FRMD4A: variants seen among roughly 807,000 people sequenced by gnomAD.
The protein encoded by FRMD4A is FERM domain containing 4A, also known as FERM domain-containing protein 4A.
Under a neutral mutation model 129.1 loss-of-function variants are expected in FRMD4A, and 29 were observed. The ratio of observed to expected loss-of-function variants is 0.22; its 90% CI spans 0.17 to 0.31. The LOEUF (loss-of-function observed/expected upper bound fraction) is 0.31, where lower values mean the gene tolerates loss of function less well. Among genes scored for constraint, FRMD4A ranks in the 10% least tolerant of loss-of-function variants. The pLI, the probability that FRMD4A is intolerant of heterozygous loss-of-function variation, is 1.00. For missense variants in FRMD4A, 1,272 were observed against 1,375.8 expected (o/e 0.92, Z 1.19); for synonymous variants, 634 against 571.6 (o/e 1.11, Z -1.56).
intron 8 of FRMD4A, among the ~76,000 whole-genome samples, chr10:13,755,035 T>C (rs1484069255): frequency 2.0e-5 from 3 of 152,230 alleles, no homozygotes; most frequent in Non-Finnish European, 4.4e-5. Context: ...GATATTGGTA[T>C]ACTAGGAATT....
At chr10:14,301,489 T>C (rs1846184630) in intron 2 of FRMD4A, among the ~76,000 whole-genome samples, 1 of 152,214 alleles carries the variant, frequency 6.6e-6, no homozygotes, top group Admixed American at 6.5e-5. Flanking sequence ...CTATTTTACT[T>C]TTGACATTAC....
chr10:13,657,675 C>T (rs796359927), intron 21 of FRMD4A, among the ~76,000 whole-genome samples, 153 bp from the exon 22 acceptor site: 4 of 152,244 alleles, frequency 2.6e-5, no homozygotes, highest in African/African-American at 9.6e-5. Flanking sequence ...AGCAGGGCTG[C>T]CCCAGGGATC....
chr10:13,767,022 G>A (rs997878503), intron 6 of FRMD4A, among the ~76,000 whole-genome samples: 4 of 152,102 alleles, frequency 2.6e-5, no homozygotes, highest in Admixed American at 1.3e-4. Flanking sequence ...GCAGTGAGCC[G>A]AGATAGCGCC....
intron 12 of FRMD4A, among the ~76,000 whole-genome samples, chr10:13,718,572 A>T (rs1267132367): frequency 6.6e-6 from 1 of 152,110 alleles, no homozygotes; most frequent in Admixed American, 6.5e-5. Context: ...TCAGATCTAG[A>T]CTTTCTGTCT....
intron 6 of FRMD4A, among the ~76,000 whole-genome samples, chr10:13,770,256 T>G (rs979253360): frequency 6.6e-6 from 1 of 151,944 alleles, no homozygotes; most frequent in East Asian, 1.9e-4. Context: ...CCTCTGCCAG[T>G]TTTTCAGCAT....
chr10:14,039,368 G>GTCCATCCA (rs61121735), intron 2 of FRMD4A, among the ~76,000 whole-genome samples: 22 of 109,502 alleles, frequency 2.0e-4, no homozygotes, highest in Middle Eastern at 4.3e-3. Context: ...CTGTCCGTCC[G>GTCCATCCA]TCCATCCATC....
chr10:14,140,430 A>G (rs539359954), intron 2 of FRMD4A, among the ~76,000 whole-genome samples: 1 of 152,322 alleles, frequency 6.6e-6, no homozygotes, highest in Non-Finnish European at 1.5e-5. Flanking sequence ...AACGTTTTGT[A>G]CACATTATTG....
intron 2 of FRMD4A, among the ~76,000 whole-genome samples, chr10:13,874,617 T>C (rs1997329): frequency 0.94 from 143,053 of 152,292 alleles, 67,235 homozygotes; most frequent in East Asian, 0.98. Context: ...TAAAATCATT[T>C]AGTTAGTAGA....
chr10:13,945,576 T>A (rs1043291612), intron 2 of FRMD4A, among the ~76,000 whole-genome samples: 1 of 152,194 alleles, frequency 6.6e-6, no homozygotes, highest in South Asian at 2.1e-4. Context: ...AAGTTTCAGA[T>A]GTCTCATGGG....
chr10:13,840,082 C>T (rs1487354502), intron 3 of FRMD4A, among the ~76,000 whole-genome samples: 2 of 152,196 alleles, frequency 1.3e-5, no homozygotes, highest in Non-Finnish European at 1.5e-5. Context: ...GTCATTTGCT[C>T]GAGGTCACTG....
chr10:13,748,445 C>T (rs985394253), intron 8 of FRMD4A, among the ~76,000 whole-genome samples: 1 of 152,082 alleles, frequency 6.6e-6, no homozygotes, highest in Non-Finnish European at 1.5e-5. Flanking sequence ...CATTTATATA[C>T]TTACTGGTTG....
intron 14 of FRMD4A, among the ~76,000 whole-genome samples, chr10:13,696,216 T>G (rs1281530097): frequency 6.6e-6 from 1 of 152,248 alleles, no homozygotes; most frequent in East Asian, 1.9e-4. Flanking sequence ...GGAAAAGGGC[T>G]TTTTATTTCA....
In FRMD4A at chr10:13,833,372, A is replaced by G. The variant is rs759207350; in HGVS notation, c.112-22464T>C. On this transcript the variant is annotated intron_variant, in intron 3 of 24. Coordinates refer to ENST00000357447, the MANE Select transcript of FRMD4A (RefSeq NM_018027.5). ...ATTTACTTACTACCATGAGAACAGTATGGGGGAAACCGTCCCCAGGATGCA... is the reference window on the plus strand; with the variant it reads ...ATTTACTTACTACCATGAGAACAGTGTGGGGGAAACCGTCCCCAGGATGCA... Among the ~76,000 whole-genome samples the G allele has an allele frequency of 1.5e-4, 23 of 152,298 alleles. 1 individual carries two copies. The highest frequency in any genetic ancestry group is 1.9e-4 in the Non-Finnish European group (13 of 68,018).
intron 2 of FRMD4A, among the ~76,000 whole-genome samples, chr10:14,162,641 G>GTTTTTTTT (rs71388160): frequency 4.2e-5 from 5 of 118,378 alleles, no homozygotes; most frequent in African/African-American, 1.0e-4. Context: ...TTTTTTTTTT[G>GTTTTTTTT]TTTTTTTTTT....
chr10:13,891,738 T>TAC (rs2094699410), intron 2 of FRMD4A: 6 of 983,996 alleles, frequency 6.1e-6, no homozygotes, highest in African/African-American at 1.8e-5. Context: ...CTAGGCGGCC[T>TAC]TGGCGCCCGC....
intron 2 of FRMD4A, among the ~76,000 whole-genome samples, chr10:13,964,266 C>G (rs977912850): frequency 1.3e-5 from 2 of 151,930 alleles, no homozygotes; most frequent in East Asian, 3.9e-4. Context: ...AAACCAAACA[C>G]AATCCCCCTC....
chr10:13,959,510 ATTT>A (rs71388141), intron 2 of FRMD4A, among the ~76,000 whole-genome samples: 2 of 89,812 alleles, frequency 2.2e-5, no homozygotes, highest in Non-Finnish European at 3.8e-5. Context: ...GCTGTGAGTG[ATTT>A]TTTTTTTTAG....
At chr10:13,699,066 T>G (rs2086525913) in intron 14 of FRMD4A, among the ~76,000 whole-genome samples, 1 of 150,794 alleles carries the variant, frequency 6.6e-6, no homozygotes, top group African/African-American at 2.4e-5. Context: ...TTTTTTTTTT[T>G]TTTTTCTGAG....
At chr10:14,161,345 T>C (rs112061116) in intron 2 of FRMD4A, among the ~76,000 whole-genome samples, 2 of 152,188 alleles carry the variant, frequency 1.3e-5, no homozygotes, top group African/African-American at 4.8e-5. Flanking sequence ...AGGAAATCAG[T>C]GTATCAAAGA....
Sources: gnomAD v4.1 joint callset for allele counts (sites outside exome capture counted in the v4.1 genomes callset) on GRCh38, gnomAD v4.1.1 for gene constraint, MANE v1.5 for transcripts, NCBI Gene and HGNC (gene_info 2026-07-23, HGNC 2026-07-21) for gene names.